HLA-DPA1: variants seen among roughly 807,000 people sequenced by gnomAD.
HLA-DPA1 encodes the protein major histocompatibility complex, class II, DP alpha 1.
A neutral mutation model predicts 21.5 loss-of-function variants in HLA-DPA1; 20 were observed. That is an observed-to-expected ratio of 0.93 (90% CI 0.66 to 1.35). The LOEUF is 1.35. Ranked by LOEUF, HLA-DPA1 falls within the 40% of genes most tolerant of loss-of-function variation. The probability of loss-of-function intolerance (pLI) is 0.00; values close to 1 mark genes in which losing one functional copy is unlikely to be tolerated. For synonymous variants in HLA-DPA1, 123 were observed against 129.6 expected (o/e 0.95, Z 0.35); for missense variants, 279 against 323.0 (o/e 0.86, Z 1.05).
intron 1 of HLA-DPA1, among the ~76,000 whole-genome samples, chr6:33,078,339 G>A (rs1397277109): frequency 1.3e-5 from 2 of 152,092 alleles, no homozygotes; most frequent in African/African-American, 4.8e-5. Flanking sequence ...ATAGGGGAGT[G>A]GGTAAAGTGG....
intron 5 of HLA-DPA1, 24 bp downstream of exon 4, chr6:33,068,614 A>C: frequency 6.5e-7 from 1 of 1,545,662 alleles, no homozygotes; most frequent in Non-Finnish European, 8.7e-7. Flanking sequence ...TACAAATCCT[A>C]GGGCCTCCTC....
exon 2 of HLA-DPA1, chr6:33,073,636 A>T: frequency 1.8e-6 from 2 of 1,129,630 alleles, no homozygotes; most frequent in Non-Finnish European, 2.7e-6. Flanking sequence ...GGCCGAGTGG[A>T]GGCAGATGAG....
Position 33,069,348 on chromosome 6 carries a change from C to T in HLA-DPA1, c.347-48G>A, listed in dbSNP as rs762437711. 10 of 1,560,294 alleles carry T rather than the reference C, an allele frequency of 6.4e-6. No homozygotes were observed. In the African/African-American group the frequency reaches 1.1e-4, roughly 17 times the overall value. On this transcript the variant is annotated intron_variant, in intron 3 of 5. Transcript: ENST00000419277. ...TAGGCCCCTCTTCTGGGATGAATCA[C>T]AAAGGCTCCACCTCTTAGGGGAGGG... is the stretch of plus-strand genomic sequence containing the variant.
exon 3 of HLA-DPA1, chr6:33,069,823 A>G: frequency 1.9e-6 from 3 of 1,610,756 alleles, no homozygotes; most frequent in Non-Finnish European, 2.5e-6. Flanking sequence ...ATCAAATTCA[A>G]ACATAAACTC....
At position 33,080,547 on chromosome 6, in the gene HLA-DPA1, C is replaced by A. The variant is rs1762781958; in HGVS notation, c.-100+133G>T. 1 of 1,413,104 alleles carries A rather than the reference C, an allele frequency of 7.1e-7. No individual in the cohort carries two copies. The highest frequency in any genetic ancestry group is 9.9e-7 in the Non-Finnish European group (1 of 1,014,354). 87.5% of individuals were successfully genotyped at this position (1,413,104 alleles called of 1,614,324 possible). A position where few individuals can be genotyped will look rare whatever the true frequency, so the allele number is the denominator to read the frequency against. ...ACCACAGAACTCGGTACTAGGAAAA[C>A]TCCTATTTTAAAATCCAGCCCTGGG... On this transcript the variant is annotated intron_variant, in intron 1 of 5. Transcript: ENST00000419277. The surrounding 1 kb of genome is among the most constrained non-coding windows in gnomAD (Gnocchi z 4.3).
intron 2 of HLA-DPA1, among the ~76,000 whole-genome samples, chr6:33,071,298 A>G (rs1414518149): frequency 6.6e-6 from 1 of 152,206 alleles, no homozygotes; most frequent in Non-Finnish European, 1.5e-5. Context: ...TCCTATAGGT[A>G]TTTCACTAGG....
chr6:33,078,046 A>G (rs2073520), intron 1 of HLA-DPA1, among the ~76,000 whole-genome samples: 36,796 of 151,878 alleles, frequency 0.24, 6,163 homozygotes, highest in East Asian at 0.6. Flanking sequence ...GTCAGGAGGA[A>G]GTGACGGATG....
intron 5 of HLA-DPA1, chr6:33,067,367 G>A: frequency 7.5e-6 from 1 of 132,914 alleles, no homozygotes; most frequent in East Asian, 3.9e-4. Context: ...ATGAAACCTG[G>A]TTGTTAAAAA....
At chr6:33,067,737 A>G (rs1054030) in intron 5 of HLA-DPA1, 43,709 of 151,744 alleles carry the variant, frequency 0.29, 8,275 homozygotes, top group East Asian at 0.68. Flanking sequence ...TACATATTAC[A>G]GAGGATCTAT....
chr6:33,069,867 A>G (rs1762189139), exon 3 of HLA-DPA1: 2 of 1,609,902 alleles, frequency 1.2e-6, no homozygotes, highest in African/African-American at 1.3e-5. Flanking sequence ...CAAACGCGGC[A>G]TAAGTTGACA....
rs150037546 is a variant in HLA-DPA1, at chr6:33,072,263, A to G, written c.100+1208T>C. Among the ~76,000 whole-genome samples the G allele has an allele frequency of 3.5e-3, 528 of 152,332 alleles. 3 individuals carry two copies. The highest frequency in any genetic ancestry group is 0.026 in the East Asian group (133 of 5,190). On this transcript the variant is annotated intron_variant, in intron 2 of 5. Coordinates refer to ENST00000419277, the Ensembl canonical transcript of HLA-DPA1. ...ATGAGAGGATCCTCAGGGATGTACC[A>G]GAGACAAGTCAGAAGCTTAGCTCCA...
chr6:33,069,451 C>G, intron 3 of HLA-DPA1, 151 bp from the exon 3 acceptor site: 1 of 1,024,580 alleles, frequency 9.8e-7, no homozygotes, highest in Non-Finnish European at 1.4e-6. Flanking sequence ...ACCAGCCTCA[C>G]TCTGCTCACC....
intron 1 of HLA-DPA1, chr6:33,076,246 G>A: frequency 1.3e-6 from 1 of 742,270 alleles, no homozygotes; most frequent in South Asian, 1.7e-5. Flanking sequence ...GGGGGCTCCT[G>A]CCCTAAGGCA....
At position 33,068,541 on chromosome 6, in the gene HLA-DPA1, T is replaced by C. The variant is rs79015944; in HGVS notation, c.*12+97A>G. The C allele has an allele frequency of 0.056, 54,638 of 978,432 alleles. 6,672 individuals are homozygous for C. The highest frequency in any genetic ancestry group is 0.49 in the East Asian group (19,356 of 39,430). 60.6% of individuals were successfully genotyped at this position (978,432 alleles called of 1,614,324 possible). A position where few individuals can be genotyped will look rare whatever the true frequency, so the allele number is the denominator to read the frequency against. On this transcript the variant is annotated intron_variant, in intron 5 of 5. Transcript: ENST00000419277. ...GTTGTTGTTATGTGGCTGAATGCTT[T>C]TAACCCATTAGAAGATCAATGAACA...
chr6:33,067,741 G>C (rs1054026), intron 5 of HLA-DPA1: 43,701 of 151,624 alleles, frequency 0.29, 8,273 homozygotes, highest in East Asian at 0.68. Context: ...TATTACAGAG[G>C]ATCTATGCAA....
chr6:33,069,416 C>G, intron 3 of HLA-DPA1, 116 bp from the exon 3 acceptor site: 1 of 1,126,584 alleles, frequency 8.9e-7, no homozygotes, highest in Non-Finnish European at 1.3e-6. Flanking sequence ...AGCTCTGAAT[C>G]ACAGAGAGGG....
Position 33,073,582 on chromosome 6 carries a change from T to C in HLA-DPA1, c.-12A>G. 1 of 1,593,876 alleles carries C rather than the reference T, an allele frequency of 6.3e-7. No individual in the cohort carries two copies. Among genetic ancestry groups the C allele is most frequent in the Non-Finnish European group, 8.6e-7 (1 of 1,162,582 alleles). The stretch of plus-strand genomic sequence containing the variant: ...TCTTCAGGGCGCATGTTGTGGGGTC[T>C]ATAATTGATGACTGTGAGCACAGGA... On this transcript the variant is annotated 5_prime_UTR_variant, in exon 2 of 6. In the 5' UTR this introduces an upstream ATG that the reference lacks. Transcript: ENST00000419277.
chr6:33,067,984 G>A (rs1022131231), intron 5 of HLA-DPA1: 2 of 152,154 alleles, frequency 1.3e-5, no homozygotes, highest in Admixed American at 1.3e-4. Flanking sequence ...TCATCTGCAT[G>A]GAAGTTCACT....
chr6:33,068,728 G>T lies in HLA-DPA1; in HGVS notation c.705C>A (p.Val235=). 1 of 1,612,668 alleles carries T rather than the reference G, an allele frequency of 6.2e-7. No homozygotes were observed. The highest frequency in any genetic ancestry group is 8.5e-7 in the Non-Finnish European group (1 of 1,179,906). The change falls in exon 5 of 6, where the codon GTC becomes GTA. Residue 235 remains valine (V), a synonymous_variant. Coordinates refer to ENST00000419277, the Ensembl canonical transcript of HLA-DPA1. ...TGAGGACGGTGCCCACGATGATGCCGACTAGGCCCAGCACCAGGCCCAGGG... is the reference window on the plus strand; with the variant it reads ...TGAGGACGGTGCCCACGATGATGCCTACTAGGCCCAGCACCAGGCCCAGGG...
Sources: allele counts gnomAD v4.1 joint callset (sites outside exome capture counted in the v4.1 genomes callset), GRCh38; gene constraint gnomAD v4.1.1; non-coding constraint Gnocchi (gnomAD v3.1); transcripts MANE v1.5; gene names NCBI Gene and HGNC (gene_info 2026-07-23, HGNC 2026-07-21).